PTPRG: variants seen among roughly 807,000 people sequenced by gnomAD.
PTPRG encodes the protein protein tyrosine phosphatase receptor type G.
In PTPRG, 102 loss-of-function variants were observed where a neutral mutation model predicts 165.3. The observed-to-expected ratio is 0.62, with a 90% CI of 0.53 to 0.73. The LOEUF (loss-of-function observed/expected upper bound fraction) is 0.73, where lower values mean the gene tolerates loss of function less well. Among genes scored for constraint, PTPRG ranks in the 30% least tolerant of loss-of-function variants. The probability of loss-of-function intolerance (pLI) is 0.00; values close to 1 mark genes in which losing one functional copy is unlikely to be tolerated. For missense variants in PTPRG, 1,866 were observed against 1,861.4 expected, an observed-to-expected ratio of 1.00 and a Z score of -0.05; for synonymous variants, 675 against 669.5, an observed-to-expected ratio of 1.01 and a Z score of -0.13.
chr3:61,736,378 A>G (rs2032723783), intron 1 of PTPRG, among the ~76,000 whole-genome samples: 1 of 151,960 alleles, frequency 6.6e-6, no homozygotes, highest in Non-Finnish European at 1.5e-5. Context: ...AAATTTAGTA[A>G]TAATGTATAT....
At chr3:62,272,153 T>C (rs1195020472) in intron 21 of PTPRG, among the ~76,000 whole-genome samples, 1 of 152,066 alleles carries the variant, frequency 6.6e-6, no homozygotes, top group Non-Finnish European at 1.5e-5. Flanking sequence ...AATTGTAGCC[T>C]GATCCTAATA....
At chr3:61,933,605 A>T (rs781116773) in intron 2 of PTPRG, among the ~76,000 whole-genome samples, 1 of 152,172 alleles carries the variant, frequency 6.6e-6, no homozygotes, top group Non-Finnish European at 1.5e-5. Context: ...TCCATGCTTT[A>T]CTTGGTAGCA....
chr3:61,660,022 A>G (rs1288610933), intron 1 of PTPRG, among the ~76,000 whole-genome samples: 2 of 151,990 alleles, frequency 1.3e-5, no homozygotes, highest in African/African-American at 2.4e-5. Flanking sequence ...GTCAGGAGAT[A>G]GAGACCATCC....
chr3:61,844,941 A>G (rs527764899), intron 2 of PTPRG, among the ~76,000 whole-genome samples: 1 of 152,350 alleles, frequency 6.6e-6, no homozygotes, highest in African/African-American at 2.4e-5. Flanking sequence ...AAGGTTTTTT[A>G]ACTATATAAA....
chr3:62,064,885 C>A (rs577805276), intron 4 of PTPRG, among the ~76,000 whole-genome samples: 4 of 151,934 alleles, frequency 2.6e-5, no homozygotes, highest in Non-Finnish European at 5.9e-5. Flanking sequence ...GCGCGTGCCA[C>A]CACGCCAAGC....
intron 4 of PTPRG, among the ~76,000 whole-genome samples, chr3:62,075,300 G>C (rs892455411): frequency 2.6e-5 from 4 of 152,172 alleles, no homozygotes; most frequent in African/African-American, 9.7e-5. Context: ...GAGGGCCTGA[G>C]TTTTAAAAAG....
In PTPRG at chr3:62,191,667, C is replaced by G; in HGVS notation, c.1218+14C>G. On this transcript the variant is annotated intron_variant, in intron 9 of 29. Transcript: ENST00000474889. Reference sequence around the variant, plus strand: ...GACAAAGACTTGGTATGAAGCCCCTCCTCTGATTCAGGGTACATGCTGCAG... The same window carrying G: ...GACAAAGACTTGGTATGAAGCCCCTGCTCTGATTCAGGGTACATGCTGCAG... 6.2e-7 allele frequency: 1 copy of G among 1,611,738 alleles called. No individual in the cohort carries two copies. Among genetic ancestry groups the G allele is most frequent in the Non-Finnish European group, 8.5e-7 (1 of 1,178,262 alleles).
At chr3:62,201,433 G>A in intron 10 of PTPRG, 72 bp from the exon 11 acceptor site, 2 of 1,180,628 alleles carry the variant, frequency 1.7e-6, no homozygotes, top group East Asian at 2.4e-5. Context: ...TCAGATTTGT[G>A]TTCATAAGGA....
At chr3:61,702,269 G>A (rs1005407167) in intron 1 of PTPRG, among the ~76,000 whole-genome samples, 5 of 151,936 alleles carry the variant, frequency 3.3e-5, no homozygotes, top group African/African-American at 7.3e-5. Context: ...GTGAGCCACC[G>A]CGTCTGGCCA....
At chr3:62,038,488 C>T (rs1304167808) in intron 4 of PTPRG, among the ~76,000 whole-genome samples, 1 of 152,222 alleles carries the variant, frequency 6.6e-6, no homozygotes, top group Non-Finnish European at 1.5e-5. Context: ...GCCTCAACCT[C>T]CCAGGCTCAA....
chr3:61,647,128 G>T (rs901034708), intron 1 of PTPRG, among the ~76,000 whole-genome samples: 2 of 152,150 alleles, frequency 1.3e-5, no homozygotes, highest in African/African-American at 4.8e-5. Flanking sequence ...AAATGCTCAA[G>T]GGTGCCATTG....
intron 4 of PTPRG, among the ~76,000 whole-genome samples, chr3:62,065,800 A>C (rs1329257290): frequency 2.0e-5 from 3 of 152,204 alleles, no homozygotes; most frequent in Admixed American, 6.5e-5. Flanking sequence ...CCTCAGGAAC[A>C]GAAGAGCTCT....
Position 62,273,878 on chromosome 3 carries a change from C to A in PTPRG, c.3465+34C>A. 6.2e-7 allele frequency: 1 copy of A among 1,605,306 alleles called. No homozygotes were observed. The highest frequency in any genetic ancestry group is 8.5e-7 in the Non-Finnish European group (1 of 1,173,968). ...TTGAAAAAGTTTCTTTGGCATAAAG[C>A]AAGAAAATGTTTTAAATGCCTTGAG... On this transcript the variant is annotated intron_variant, in intron 23 of 29. Transcript: ENST00000474889. This position sits in a 1 kb window ranked among gnomAD's most constrained non-coding sequence, Gnocchi z 4.1.
chr3:62,017,498 C>T (rs571807853), intron 4 of PTPRG, among the ~76,000 whole-genome samples: 10 of 151,690 alleles, frequency 6.6e-5, no homozygotes, highest in Non-Finnish European at 1.5e-5. Flanking sequence ...TCACTGCGAG[C>T]TCCGCCTCCC....
chr3:62,073,364 C>T (rs962887415), intron 4 of PTPRG, among the ~76,000 whole-genome samples: 1 of 152,150 alleles, frequency 6.6e-6, no homozygotes, highest in Non-Finnish European at 1.5e-5. Flanking sequence ...AAATTAATAA[C>T]ATTATAGTGG....
chr3:61,874,632 T>G (rs1205715241), intron 2 of PTPRG, among the ~76,000 whole-genome samples: 1 of 152,080 alleles, frequency 6.6e-6, no homozygotes, highest in Non-Finnish European at 1.5e-5. Flanking sequence ...CCTGGAAATA[T>G]TTGGCAATGT....
chr3:62,047,542 G>T (rs1575934326), intron 4 of PTPRG, among the ~76,000 whole-genome samples: 1 of 152,134 alleles, frequency 6.6e-6, no homozygotes, highest in Non-Finnish European at 1.5e-5. Context: ...GATTACAGGC[G>T]TGAGCCACCA....
intron 4 of PTPRG, among the ~76,000 whole-genome samples, chr3:62,032,850 G>A (rs1419447982): frequency 2.0e-5 from 3 of 152,098 alleles, no homozygotes; most frequent in East Asian, 1.9e-4. Flanking sequence ...GTGTTAGGCC[G>A]GTGCAGATGG....
chr3:61,971,443 G>T (rs925628279), intron 2 of PTPRG, among the ~76,000 whole-genome samples: 2 of 152,148 alleles, frequency 1.3e-5, no homozygotes, highest in Admixed American at 6.5e-5. Flanking sequence ...ATCAGTATTT[G>T]TATGGATATT....
Sources: gnomAD v4.1 joint callset for allele counts (sites outside exome capture counted in the v4.1 genomes callset) on GRCh38, gnomAD v4.1.1 for gene constraint, Gnocchi (gnomAD v3.1) non-coding constraint, MANE v1.5 for transcripts, NCBI Gene and HGNC (gene_info 2026-07-23, HGNC 2026-07-21) for gene names.